The following TBPL2 variants were observed in gnomAD, a reference collection of about 807,000 sequenced individuals.
The protein encoded by TBPL2 is TATA-box binding protein like 2.
TBPL2 carries 40 observed loss-of-function variants against 38.2 expected under a neutral mutation model. That is an observed-to-expected ratio of 1.05 (90% CI 0.81 to 1.36). TBPL2 has a LOEUF of 1.36. Ranked by LOEUF, TBPL2 falls within the 40% of genes most tolerant of loss-of-function variation. The pLI is 0.00. For synonymous variants in TBPL2, 169 were observed against 171.7 expected (o/e 0.98, Z 0.12); for missense variants, 461 against 456.7 (o/e 1.01, Z -0.09).
At chr14:55,416,476 G>A (rs1357005254) in intron 6 of TBPL2, among the ~76,000 whole-genome samples, 1 of 152,082 alleles carries the variant, frequency 6.6e-6, no homozygotes, top group Non-Finnish European at 1.5e-5. Context: ...GAGAAGAAAA[G>A]TTATTTATTC....
At chr14:55,439,617 C>CCCCTCCCCCG (rs1555344748) in intron 1 of TBPL2, among the ~76,000 whole-genome samples, 1 of 72,698 alleles carries the variant, frequency 1.4e-5, no homozygotes, top group South Asian at 5.7e-4. Flanking sequence ...AAAGCAAACC[C>CCCCTCCCCCG]CCCCCCGTCT....
chr14:55,429,080 TATAC>T (rs1271718792), intron 4 of TBPL2, 106 bp from the exon 5 acceptor site: 2 of 1,382,368 alleles, frequency 1.4e-6, no homozygotes, highest in East Asian at 4.6e-5. Flanking sequence ...TCTTTCAATG[TATAC>T]TATGAAGCTG....
intron 6 of TBPL2, among the ~76,000 whole-genome samples, chr14:55,420,779 G>A (rs1424405898): frequency 1.3e-5 from 2 of 152,098 alleles, no homozygotes; most frequent in African/African-American, 2.4e-5. Context: ...AAATTTGGGG[G>A]TTGGGTGCGG....
chr14:55,423,136 T>C (rs1335908450), intron 6 of TBPL2, among the ~76,000 whole-genome samples: 1 of 152,224 alleles, frequency 6.6e-6, no homozygotes, highest in Non-Finnish European at 1.5e-5. Context: ...TGCTATTTAT[T>C]GGATGTGTTG....
At chr14:55,433,668 T>C (rs1229442030) in exon 4 of TBPL2, 5 of 1,613,972 alleles carry the variant, frequency 3.1e-6, no homozygotes, top group Non-Finnish European at 3.4e-6. Context: ...CAGAGCTAAA[T>C]ATAAGGGCTG....
exon 6 of TBPL2, chr14:55,424,182 A>G: frequency 6.2e-7 from 1 of 1,613,370 alleles, no homozygotes; most frequent in Non-Finnish European, 8.5e-7. Context: ...TTTTCCAGAT[A>G]CAAAGATAAG....
intron 1 of TBPL2, among the ~76,000 whole-genome samples, chr14:55,439,919 A>G (rs1444120249): frequency 1.8e-5 from 2 of 112,904 alleles, no homozygotes; most frequent in African/African-American, 9.2e-5. Context: ...TGACAGAGCG[A>G]GACTCTGTCT....
At chr14:55,429,566 C>T (rs570541690) in intron 4 of TBPL2, among the ~76,000 whole-genome samples, 79 of 152,162 alleles carry the variant, frequency 5.2e-4, no homozygotes, top group African/African-American at 1.8e-3. Context: ...TAGCTCGAGA[C>T]CGGCCTGGCC....
chr14:55,419,201 A>G (rs540024745), intron 6 of TBPL2, among the ~76,000 whole-genome samples: 1 of 152,356 alleles, frequency 6.6e-6, no homozygotes, highest in East Asian at 1.9e-4. Flanking sequence ...GGCTCCTCAC[A>G]TGCCTGTTGC....
chr14:55,431,583 C>A (rs1229414859), intron 4 of TBPL2, among the ~76,000 whole-genome samples: 1 of 152,162 alleles, frequency 6.6e-6, no homozygotes, highest in East Asian at 1.9e-4. Flanking sequence ...GCACAACTGT[C>A]CAATAATCAC....
intron 4 of TBPL2, among the ~76,000 whole-genome samples, chr14:55,429,791 A>G (rs1885895279): frequency 6.9e-6 from 1 of 144,234 alleles, no homozygotes; most frequent in Non-Finnish European, 1.5e-5. Context: ...AAAAAAAAAG[A>G]AAACAACAAG....
At chr14:55,421,141 A>G (rs1046786848) in intron 6 of TBPL2, among the ~76,000 whole-genome samples, 6 of 151,986 alleles carry the variant, frequency 3.9e-5, no homozygotes, top group Non-Finnish European at 7.4e-5. Context: ...AAAGAAATCT[A>G]TAATAGGAAC....
chr14:55,437,588 C>G (rs1313614375), intron 1 of TBPL2, among the ~76,000 whole-genome samples: 1 of 152,236 alleles, frequency 6.6e-6, no homozygotes, highest in African/African-American at 2.4e-5. Flanking sequence ...GGTTAGATCT[C>G]TAGTAAGTTG....
At chr14:55,437,838 G>A (rs1229195878) in intron 1 of TBPL2, among the ~76,000 whole-genome samples, 1 of 152,152 alleles carries the variant, frequency 6.6e-6, no homozygotes, top group Non-Finnish European at 1.5e-5. Context: ...CTAGGCAAAG[G>A]CGTAATAAGA....
intron 2 of TBPL2, 140 bp downstream of exon 2, chr14:55,436,421 C>T (rs1050490972): frequency 1.2e-6 from 1 of 801,868 alleles, no homozygotes. Context: ...AAGCCACAAT[C>T]CATTTAGAAC....
chr14:55,415,400 G>A (rs1451580386), intron 6 of TBPL2, among the ~76,000 whole-genome samples: 2 of 152,138 alleles, frequency 1.3e-5, no homozygotes, highest in African/African-American at 2.4e-5. Context: ...AAACTAGTTC[G>A]GTGGTTAAGT....
Position 55,433,615 on chromosome 14 carries a change from G to T in TBPL2, c.788+15C>A. 2 of 1,602,180 alleles carry T rather than the reference G, an allele frequency of 1.2e-6. No homozygotes were observed. The highest frequency in any genetic ancestry group is 1.7e-6 in the Non-Finnish European group (2 of 1,169,296). On this transcript the variant is annotated intron_variant, in intron 4 of 6. Coordinates refer to ENST00000247219, the Ensembl canonical transcript of TBPL2. ...ATTGTTTCTCTGGTAGGGGTGGAGGGATGATTCCTCATACCTTTTGGCTCC... is the reference window on the plus strand; with the variant it reads ...ATTGTTTCTCTGGTAGGGGTGGAGGTATGATTCCTCATACCTTTTGGCTCC...
intron 6 of TBPL2, 45 bp from the exon 7 acceptor site, chr14:55,414,500 C>G (rs200877895): frequency 6.6e-6 from 9 of 1,371,540 alleles, no homozygotes; most frequent in Non-Finnish European, 9.0e-6. Flanking sequence ...ATAAAAATAC[C>G]AACATTTACT....
At chr14:55,416,679 A>T (rs1236261766) in intron 6 of TBPL2, among the ~76,000 whole-genome samples, 1 of 152,166 alleles carries the variant, frequency 6.6e-6, no homozygotes, top group Non-Finnish European at 1.5e-5. Context: ...CTAAACAGTG[A>T]GTTGGTGAAG....
Sources: allele counts gnomAD v4.1 joint callset (sites outside exome capture counted in the v4.1 genomes callset), GRCh38; gene constraint gnomAD v4.1.1; transcripts MANE v1.5; gene names NCBI Gene and HGNC (gene_info 2026-07-23, HGNC 2026-07-21).